The following ESR1 variants were observed in gnomAD, a reference collection of about 807,000 sequenced individuals.
The protein encoded by ESR1 is estrogen receptor 1.
In ESR1, 12 loss-of-function variants were observed where a neutral mutation model predicts 52.7. The ratio of observed to expected loss-of-function variants is 0.23; its 90% confidence interval spans 0.15 to 0.37. ESR1 has a LOEUF of 0.37. Ranked by LOEUF, ESR1 falls within the 10% of genes least tolerant of loss-of-function variation. The pLI, the probability that ESR1 is intolerant of heterozygous loss-of-function variation, is 1.00. For synonymous variants in ESR1, 305 were observed against 316.8 expected, an observed-to-expected ratio of 0.96 and a Z score of 0.39; for missense variants, 584 against 779.7, an observed-to-expected ratio of 0.75 and a Z score of 2.99.
chr6:151,918,816 A>G (rs1249743147), intron 3 of ESR1, among the ~76,000 whole-genome samples: 1 of 152,222 alleles, frequency 6.6e-6, no homozygotes, highest in East Asian at 1.9e-4. Context: ...CAATATAGGG[A>G]AGGGATGGAG....
intron 2 of ESR1, among the ~76,000 whole-genome samples, chr6:151,721,648 T>C (rs1781470008): frequency 6.6e-6 from 1 of 152,256 alleles, no homozygotes; most frequent in South Asian, 2.1e-4. Context: ...TTATCATCTA[T>C]GTTGAGTGTC....
At chr6:151,727,326 C>T (rs899271970) in intron 2 of ESR1, among the ~76,000 whole-genome samples, 1 of 151,942 alleles carries the variant, frequency 6.6e-6, no homozygotes, top group Non-Finnish European at 1.5e-5. Flanking sequence ...CTCAGTCTCC[C>T]GAGTAGCTGG....
intron 3 of ESR1, among the ~76,000 whole-genome samples, chr6:151,915,207 G>A (rs1798874206): frequency 6.6e-6 from 1 of 151,516 alleles, no homozygotes; most frequent in African/African-American, 2.4e-5. Flanking sequence ...AAAAAAAAAG[G>A]TGAAATGAAA....
At chr6:151,828,914 G>C (rs571058690) in intron 1 of ESR1, among the ~76,000 whole-genome samples, 17 of 152,326 alleles carry the variant, frequency 1.1e-4, no homozygotes, top group Non-Finnish European at 1.5e-4. Flanking sequence ...GCAGCAAAAG[G>C]ATAGGGTGCT....
chr6:152,024,616 C>G (rs1368502611), intron 5 of ESR1, among the ~76,000 whole-genome samples: 1 of 148,310 alleles, frequency 6.7e-6, no homozygotes, highest in Non-Finnish European at 1.5e-5. Context: ...CTATTGGATG[C>G]CACGTGCAGG....
chr6:151,915,133 T>G (rs983485883), intron 3 of ESR1, among the ~76,000 whole-genome samples: 7 of 151,640 alleles, frequency 4.6e-5, no homozygotes, highest in African/African-American at 1.7e-4. Flanking sequence ...AGTCGGAGGT[T>G]GCAGTGAGCC....
chr6:151,770,514 A>T (rs1785423565), intron 2 of ESR1, among the ~76,000 whole-genome samples: 1 of 152,084 alleles, frequency 6.6e-6, no homozygotes. Context: ...ACTAATATGT[A>T]ATTTAATATA....
intron 4 of ESR1, among the ~76,000 whole-genome samples, chr6:151,985,552 A>G (rs1475432297): frequency 2.0e-5 from 3 of 148,110 alleles, no homozygotes; most frequent in African/African-American, 7.5e-5. Flanking sequence ...AAAAAAAAAA[A>G]GAAAAAGAAA....
chr6:151,809,456 G>A (rs1778443974), intron 1 of ESR1, among the ~76,000 whole-genome samples: 1 of 152,202 alleles, frequency 6.6e-6, no homozygotes, highest in Admixed American at 6.5e-5. Flanking sequence ...CAGGACAGGT[G>A]TACCCCGGAC....
intron 2 of ESR1, among the ~76,000 whole-genome samples, chr6:151,742,935 C>T (rs923314525): frequency 6.6e-6 from 1 of 152,124 alleles, no homozygotes; most frequent in African/African-American, 2.4e-5. Context: ...GGAGATAAGA[C>T]GAAAATTGAA....
At chr6:151,987,999 T>G (rs1043131290) in intron 4 of ESR1, among the ~76,000 whole-genome samples, 2 of 152,104 alleles carry the variant, frequency 1.3e-5, no homozygotes, top group Admixed American at 1.3e-4. Flanking sequence ...AAACTCAGTA[T>G]AGTTTTAAAG....
chr6:151,713,097 A>T (rs1264923333), intron 2 of ESR1, among the ~76,000 whole-genome samples: 1 of 152,036 alleles, frequency 6.6e-6, no homozygotes, highest in Non-Finnish European at 1.5e-5. Flanking sequence ...TGAGATAATC[A>T]TGTGGTTTTT....
chr6:151,853,216 G>GAAA (rs1491266693), intron 2 of ESR1, among the ~76,000 whole-genome samples: 7,178 of 135,582 alleles, frequency 0.053, 597 homozygotes, highest in East Asian at 0.2. Flanking sequence ...AAAGAAAGAA[G>GAAA]GAAAAAGAAA....
At chr6:151,922,012 C>A (rs1447101424) in intron 3 of ESR1, among the ~76,000 whole-genome samples, 2 of 152,022 alleles carry the variant, frequency 1.3e-5, no homozygotes, top group African/African-American at 4.8e-5. Flanking sequence ...AAATCTTTGC[C>A]TGTGCCTATA....
At chr6:151,703,533 G>A (rs1039980619) in intron 2 of ESR1, among the ~76,000 whole-genome samples, 1 of 152,180 alleles carries the variant, frequency 6.6e-6, no homozygotes, top group Non-Finnish European at 1.5e-5. Flanking sequence ...ATGTTAATGG[G>A]TGAGCTGCTC....
chr6:151,925,730 A>T (rs2090114), intron 3 of ESR1, among the ~76,000 whole-genome samples: 17,488 of 151,996 alleles, frequency 0.12, 1,965 homozygotes, highest in African/African-American at 0.28. Context: ...TGTGTTTCAC[A>T]AATAATTTCT....
chr6:152,000,936 T>C (rs1239663418), intron 4 of ESR1, among the ~76,000 whole-genome samples: 2 of 152,044 alleles, frequency 1.3e-5, no homozygotes, highest in East Asian at 1.9e-4. Context: ...TAGTGCTTGA[T>C]TATGGCAACC....
chr6:151,991,787 A>C (rs2041048745), intron 4 of ESR1, among the ~76,000 whole-genome samples: 1 of 152,140 alleles, frequency 6.6e-6, no homozygotes, highest in Non-Finnish European at 1.5e-5. Flanking sequence ...TGCTAAGTTG[A>C]GTGTAGTTCC....
intron 3 of ESR1, among the ~76,000 whole-genome samples, chr6:151,897,446 CT>C (rs1308718044): frequency 6.6e-6 from 1 of 152,048 alleles, no homozygotes; most frequent in Non-Finnish European, 1.5e-5. Context: ...TCTTCTTTGT[CT>C]TTTTTAACTG....
Sources: gnomAD v4.1 joint callset for allele counts (sites outside exome capture counted in the v4.1 genomes callset) on GRCh38, gnomAD v4.1.1 for gene constraint, MANE v1.5 for transcripts, NCBI Gene and HGNC (gene_info 2026-07-23, HGNC 2026-07-21) for gene names.